Variants in MYO3A observed in about 807,000 individuals in gnomAD.
MYO3A encodes the protein myosin-IIIa.
In MYO3A, 180 loss-of-function variants were observed where a neutral mutation model predicts 192.7. The ratio of observed to expected loss-of-function variants is 0.93; its 90% confidence interval spans 0.83 to 1.06. The LOEUF (loss-of-function observed/expected upper bound fraction) is 1.06, where lower values mean the gene tolerates loss of function less well. MYO3A is among the 50% of genes least tolerant of loss of function. MYO3A has a pLI of 0.00. For synonymous variants in MYO3A, 628 were observed against 645.3 expected (o/e 0.97, Z 0.41); for missense variants, 1,896 against 1,905.0 (o/e 1.00, Z 0.09).
chr10:25,976,138 A>G (rs1333205775), intron 4 of MYO3A, among the ~76,000 whole-genome samples: 2 of 152,224 alleles, frequency 1.3e-5, no homozygotes, highest in Non-Finnish European at 2.9e-5. Flanking sequence ...ACTCTTATAC[A>G]CTGCTTATGG....
At chr10:26,066,686 A>T (rs367812773) in intron 10 of MYO3A, among the ~76,000 whole-genome samples, 1 of 152,258 alleles carries the variant, frequency 6.6e-6, no homozygotes. Flanking sequence ...AACAGATTCA[A>T]TCACACAGAA....
chr10:25,995,725 A>C (rs1479236109), intron 4 of MYO3A, among the ~76,000 whole-genome samples: 1 of 152,236 alleles, frequency 6.6e-6, no homozygotes, highest in Non-Finnish European at 1.5e-5. Flanking sequence ...TTTAACAGTC[A>C]GGACCCTCAG....
At chr10:26,187,134 G>C (rs1299604867) in intron 31 of MYO3A, among the ~76,000 whole-genome samples, 1 of 152,008 alleles carries the variant, frequency 6.6e-6, no homozygotes, top group Non-Finnish European at 1.5e-5. Flanking sequence ...CACAGTCTTT[G>C]CATCTCCAAA....
chr10:26,179,162 G>C (rs190583340), intron 31 of MYO3A, among the ~76,000 whole-genome samples: 1 of 137,282 alleles, frequency 7.3e-6, no homozygotes, highest in Non-Finnish European at 1.5e-5. Flanking sequence ...GCAATGGCGC[G>C]ATCTCAGCTT....
At chr10:25,950,597 A>G (rs2153344) in intron 2 of MYO3A, among the ~76,000 whole-genome samples, 6,554 of 152,238 alleles carry the variant, frequency 0.043, 178 homozygotes, top group Middle Eastern at 0.068. Context: ...GTATTTAACC[A>G]GAGTTGTTTT....
At position 26,068,816 on chromosome 10, in the gene MYO3A, TAC is replaced by T. The variant is rs1296665607; in HGVS notation, c.1103_1104del (p.Tyr368CysfsTer11). 7.5e-6 allele frequency: 12 copies of T among 1,599,664 alleles called. No individual in the cohort carries two copies. The highest frequency in any genetic ancestry group is 1.7e-4 in the Middle Eastern group (1 of 6,038). On this transcript the variant is annotated frameshift_variant, in exon 12 of 35. Transcript: ENST00000642920. LOFTEE classifies it high-confidence loss of function. ...GAAGTGTTATTCCAGAGATCAGATC[TAC>T]GTCTATGTGGGAGACATACTCATTG... The part of the protein sequence containing the change: ...LEKCYSRDQI[Y>X]VYVGDILIAL...
chr10:26,014,607 C>A (rs1009178159), intron 6 of MYO3A, among the ~76,000 whole-genome samples: 9 of 152,044 alleles, frequency 5.9e-5, no homozygotes, highest in African/African-American at 1.9e-4. Flanking sequence ...ATGGAACAGT[C>A]TAGGAAGCAT....
chr10:26,142,104 A>C (rs1840198218), intron 20 of MYO3A, among the ~76,000 whole-genome samples: 1 of 152,200 alleles, frequency 6.6e-6, no homozygotes, highest in African/African-American at 2.4e-5. Flanking sequence ...GCTTGTTTTA[A>C]ACTTCTCTGT....
At chr10:26,004,130 T>C (rs1023199655) in intron 6 of MYO3A, among the ~76,000 whole-genome samples, 3 of 151,828 alleles carry the variant, frequency 2.0e-5, no homozygotes, top group Non-Finnish European at 4.4e-5. Context: ...CTGAGAGGGG[T>C]AAGGAAGGTA....
chr10:25,972,572 C>T (rs1838722071), intron 4 of MYO3A, among the ~76,000 whole-genome samples: 1 of 152,140 alleles, frequency 6.6e-6, no homozygotes, highest in African/African-American at 2.4e-5. Context: ...AGTCTTCGTA[C>T]TAAGTTCCCT....
rs866133231 is a variant in MYO3A, at chr10:26,131,677, T to G, written c.2262+3139T>G. ...GCATTATTTTTCTATGTGTAAAATA[T>G]GTAGCTCCTAAAATTTTCCTGGAGT... On this transcript the variant is annotated intron_variant, in intron 20 of 34. Coordinates refer to ENST00000642920, the MANE Select transcript of MYO3A (RefSeq NM_017433.5). Among the ~76,000 whole-genome samples the G allele has an allele frequency of 1.8e-4, 28 of 152,318 alleles. 2 individuals carry two copies. In the South Asian group the frequency reaches 5.0e-3, roughly 27 times the overall value.
At chr10:26,017,370 G>A (rs1395579712) in intron 7 of MYO3A, among the ~76,000 whole-genome samples, 2 of 152,068 alleles carry the variant, frequency 1.3e-5, no homozygotes, top group South Asian at 4.1e-4. Flanking sequence ...ACCTTTGGGA[G>A]GTTGCAGATA....
rs540088378 is a variant in MYO3A at position 26,151,702 on chromosome 10, T to A, written c.2636-2148T>A. ...ATGATATGGTTGGATTTGACTCTTA[T>A]CATCTTGCCACTTGTTTTCTGTTGG... On this transcript the variant is annotated intron_variant, in intron 23 of 34. Coordinates refer to ENST00000642920, the MANE Select transcript of MYO3A (RefSeq NM_017433.5). Among the ~76,000 whole-genome samples the A allele has an allele frequency of 2.0e-5, 3 of 152,336 alleles. No individual in the cohort carries two copies. In the East Asian group the frequency reaches 5.8e-4, roughly 29 times the overall value.
intron 27 of MYO3A, among the ~76,000 whole-genome samples, chr10:26,167,541 A>C (rs368568610): frequency 6.6e-6 from 1 of 152,228 alleles, no homozygotes; most frequent in Non-Finnish European, 1.5e-5. Flanking sequence ...ATAGTTCTGC[A>C]TGATATTTAA....
intron 11 of MYO3A, among the ~76,000 whole-genome samples, chr10:26,068,351 A>G (rs552410067): frequency 2.6e-5 from 4 of 152,330 alleles, no homozygotes; most frequent in African/African-American, 7.2e-5. Context: ...CTGAAAAAAT[A>G]AAAGGACTAG....
At chr10:25,940,327 A>T (rs541595532) in intron 2 of MYO3A, among the ~76,000 whole-genome samples, 1 of 151,642 alleles carries the variant, frequency 6.6e-6, no homozygotes, top group East Asian at 1.9e-4. Context: ...TATTTTGGAG[A>T]CTATACATGG....
rs1222058211 is a variant in MYO3A, at chr10:26,170,451, G to T, written c.3310G>T (p.Glu1104Ter). Residue 1104 changes from glutamate to a stop codon, truncating the protein, a stop_gained, in exon 29 of 35, where the codon GAA becomes TAA. Transcript: ENST00000642920. LOFTEE classifies it high-confidence loss of function. ...ACACCTTGTCAGGAAACAAAGAAAAGAAATTGTTGACATGAAAAACACAGC... is the reference window on the plus strand; with the variant it reads ...ACACCTTGTCAGGAAACAAAGAAAATAAATTGTTGACATGAAAAACACAGC... ...RGHLVRKQRK[E>*]IVDMKNTAVT... is the part of the protein sequence containing the mutation. 3 of 1,613,590 alleles carry T rather than the reference G, an allele frequency of 1.9e-6. No individual in the cohort carries two copies. The South Asian group carries it at 3.3e-5, about 18-fold the overall frequency.
intron 10 of MYO3A, among the ~76,000 whole-genome samples, chr10:26,035,181 T>C (rs1339808): frequency 0.3 from 45,265 of 151,956 alleles, 7,231 homozygotes; most frequent in South Asian, 0.43. Flanking sequence ...GGAAAAGAAA[T>C]AATAACTTAC....
At chr10:26,162,838 A>T (rs1841547596) in intron 26 of MYO3A, among the ~76,000 whole-genome samples, 1 of 152,250 alleles carries the variant, frequency 6.6e-6, no homozygotes, top group African/African-American at 2.4e-5. Flanking sequence ...TTAAGTGTGC[A>T]GCGGACCTCA....
Sources: allele counts gnomAD v4.1 joint callset (sites outside exome capture counted in the v4.1 genomes callset), GRCh38; gene constraint gnomAD v4.1.1; transcripts MANE v1.5; gene names NCBI Gene and HGNC (gene_info 2026-07-23, HGNC 2026-07-21).